Variants in SCAF4 observed in about 807,000 individuals in gnomAD.
SCAF4 encodes the protein SR-related and CTD-associated factor 4.
In SCAF4, 25 loss-of-function variants were observed where a neutral mutation model predicts 129.8. The ratio of observed to expected loss-of-function variants is 0.19; its 90% CI spans 0.14 to 0.27. The LOEUF (loss-of-function observed/expected upper bound fraction) is 0.27, where lower values mean the gene tolerates loss of function less well. Ranked by LOEUF, SCAF4 falls within the 10% of genes least tolerant of loss-of-function variation. The probability of loss-of-function intolerance (pLI) is 1.00; values close to 1 mark genes in which losing one functional copy is unlikely to be tolerated. For missense variants in SCAF4, 1,246 were observed against 1,457.1 expected (o/e 0.86, Z 2.36); for synonymous variants, 551 against 497.7 (o/e 1.11, Z -1.43).
intron 14 of SCAF4, 36 bp downstream of exon 14, chr21:31,691,781 T>TA (rs11351108): frequency 2.2e-3 from 2,437 of 1,113,892 alleles, no homozygotes; most frequent in South Asian, 4.3e-3. Flanking sequence ...TCTGCCTATT[T>TA]AAAAAAAAAA....
intron 1 of SCAF4, among the ~76,000 whole-genome samples, chr21:31,712,221 G>GT (rs2050815425): frequency 2.8e-5 from 2 of 72,510 alleles, no homozygotes; most frequent in Admixed American, 4.5e-4. Flanking sequence ...TTTGTTTGTT[G>GT]CTTTTTTTTT....
chr21:31,678,373 T>C (rs1272938268), intron 19 of SCAF4, among the ~76,000 whole-genome samples: 1 of 152,136 alleles, frequency 6.6e-6, no homozygotes, highest in Admixed American at 6.6e-5. Context: ...CAAAATATCT[T>C]CAGACTCTAA....
intron 19 of SCAF4, among the ~76,000 whole-genome samples, chr21:31,674,013 T>G (rs186138905): frequency 3.9e-4 from 60 of 152,304 alleles, no homozygotes; most frequent in African/African-American, 1.3e-3. Flanking sequence ...AAGCATCTTA[T>G]TATAACAAGA....
At chr21:31,695,736 C>T (rs1304163385) in intron 9 of SCAF4, among the ~76,000 whole-genome samples, 2 of 152,148 alleles carry the variant, frequency 1.3e-5, no homozygotes, top group African/African-American at 2.4e-5. Flanking sequence ...CCTTTTATTG[C>T]GGATTTCAAA....
intron 1 of SCAF4, among the ~76,000 whole-genome samples, chr21:31,729,098 G>GA (rs1221520249): frequency 6.6e-6 from 1 of 152,116 alleles, no homozygotes; most frequent in Admixed American, 6.5e-5. Flanking sequence ...CACTACGAAC[G>GA]AAACAGTTTT....
Position 31,685,092 on chromosome 21 carries a change from C to G in SCAF4, c.2445G>C (p.Thr815=). Residue 815 remains threonine (T), a synonymous_variant, in exon 19 of 20, where the codon ACG becomes ACC. Coordinates refer to ENST00000286835, the MANE Select transcript of SCAF4 (RefSeq NM_020706.2). ...YGSAVPPAAP[T]NLPTPPVTQP... is the part of the protein sequence containing the mutation. ...GGGTTACAGGAGGGGTGGGCAGATT[C>G]GTGGGTGCAGCAGGTGGCACGGCAG... 2.5e-6 allele frequency: 4 copies of G among 1,612,906 alleles called. No homozygotes were observed. Among genetic ancestry groups the G allele is most frequent in the Non-Finnish European group, 3.4e-6 (4 of 1,179,848 alleles).
intron 14 of SCAF4, 145 bp downstream of exon 14, chr21:31,691,672 T>TA (rs5843527): frequency 0.23 from 63,810 of 280,208 alleles, 6,257 homozygotes; most frequent in East Asian, 0.34. Context: ...AAATATTCTT[T>TA]AAAAAAAAAA....
rs536266881 is a variant in SCAF4 at position 31,677,972 on chromosome 21, T to TACCTTAGTCTC, written c.2489-5629_2489-5619dup. ...AGTTTCTGGCACGTGGAACTATGTCTACCTTAGTCTCACAGCATCATATTC... is the reference window on the plus strand; with the variant it reads ...AGTTTCTGGCACGTGGAACTATGTCTACCTTAGTCTCACCTTAGTCTCACAGCATCATATTC... On this transcript the variant is annotated intron_variant, in intron 19 of 19. Coordinates refer to ENST00000286835, the MANE Select transcript of SCAF4 (RefSeq NM_020706.2). Among the ~76,000 whole-genome samples the TACCTTAGTCTC allele has an allele frequency of 4.9e-3, 741 of 152,312 alleles. 7 individuals are homozygous for TACCTTAGTCTC. The highest frequency in any genetic ancestry group is 0.017 in the African/African-American group (698 of 41,560).
rs1386669965 is a variant in SCAF4, at chr21:31,717,904, T to TATAC, written c.31-11548_31-11547insGTAT. Among the ~76,000 whole-genome samples the TATAC allele has an allele frequency of 1.1e-3, 133 of 117,936 alleles. 1 individual carries two copies. The highest frequency in any genetic ancestry group is 1.8e-3 in the Non-Finnish European group (107 of 59,620). The allele number at this position is 117,936 out of a possible 152,430, so 77.4% of individuals were successfully genotyped here. A position where few individuals can be genotyped will look rare whatever the true frequency, so the allele number is the denominator to read the frequency against. On this transcript the variant is annotated intron_variant, in intron 1 of 19. Coordinates refer to ENST00000286835, the MANE Select transcript of SCAF4 (RefSeq NM_020706.2). ...ATATATACACATATATACACATATATACACACACACACACACACACACACA... is the reference window on the plus strand; with the variant it reads ...ATATATACACATATATACACATATATATACACACACACACACACACACACACACA...
At position 31,703,284 on chromosome 21, in the gene SCAF4, A is replaced by G. The variant is rs554590508; in HGVS notation, c.321+481T>C. Among the ~76,000 whole-genome samples the G allele has an allele frequency of 1.6e-4, 25 of 152,274 alleles. No individual in the cohort carries two copies. In the South Asian group the frequency reaches 3.5e-3, roughly 21 times the overall value. On this transcript the variant is annotated intron_variant, in intron 4 of 19. Transcript: ENST00000286835. Reference sequence around the variant, plus strand: ...CTTTCCAACGATATCTTCTTTAAAGATGATGCGCCTTTCATATTATTTTTT... The same window carrying G: ...CTTTCCAACGATATCTTCTTTAAAGGTGATGCGCCTTTCATATTATTTTTT...
chr21:31,712,172 C>T (rs972692667), intron 1 of SCAF4, among the ~76,000 whole-genome samples: 2 of 151,430 alleles, frequency 1.3e-5, no homozygotes, highest in African/African-American at 4.9e-5. Flanking sequence ...AGACATGGGC[C>T]CTCTACTGTT....
At chr21:31,685,511 T>TA in intron 17 of SCAF4, 27 bp from the exon 18 acceptor site, 3 of 1,613,308 alleles carry the variant, frequency 1.9e-6, no homozygotes, top group Non-Finnish European at 2.5e-6. Flanking sequence ...AATGTCAACT[T>TA]ATGCTGTATC....
chr21:31,672,143 A>C lies in SCAF4; in HGVS notation c.2700T>G (p.Pro900=), dbSNP rs1163038084. The change falls in exon 20 of 20, where the codon CCT becomes CCG. Residue 900 remains proline, a synonymous_variant. Transcript: ENST00000286835. ...AGGGACCTTTCATTCCATGAGGTGG[A>C]GGCATCGCAAAGCCCCCTGGTCCTG... ...PPPGPGGFAM[P]PPHGMKGPFP... 6 of 1,606,846 alleles carry C rather than the reference A, an allele frequency of 3.7e-6. No individual in the cohort carries two copies. Among genetic ancestry groups the C allele is most frequent in the South Asian group, 1.1e-5 (1 of 90,796 alleles).
chr21:31,677,256 C>T (rs1341112866), intron 19 of SCAF4, among the ~76,000 whole-genome samples: 1 of 152,140 alleles, frequency 6.6e-6, no homozygotes, highest in East Asian at 1.9e-4. Context: ...CCCCTCTCAC[C>T]TACATAACAA....
chr21:31,676,042 T>A (rs974048934), intron 19 of SCAF4, among the ~76,000 whole-genome samples: 2 of 152,108 alleles, frequency 1.3e-5, no homozygotes, highest in African/African-American at 4.8e-5. Flanking sequence ...GAGACAGATA[T>A]AAAACATAAA....
intron 19 of SCAF4, among the ~76,000 whole-genome samples, chr21:31,681,023 T>C (rs1299469106): frequency 1.3e-5 from 2 of 152,226 alleles, no homozygotes; most frequent in Admixed American, 1.3e-4. Context: ...AAATGTCTAC[T>C]GAAGCCATGC....
In SCAF4 at chr21:31,694,186, A is replaced by T. The variant is rs2050326677; in HGVS notation, c.1322+18T>A. The stretch of plus-strand genomic sequence containing the variant: ...CCTAAGATATACAGGGTTGGAAAAA[A>T]CATTTTCTATAAATTACCTGGATGC... On this transcript the variant is annotated intron_variant, in intron 11 of 19. Transcript: ENST00000286835. 1 of 1,512,026 alleles carries T rather than the reference A, an allele frequency of 6.6e-7. No homozygotes were observed. The highest frequency in any genetic ancestry group is 9.2e-7 in the Non-Finnish European group (1 of 1,092,016). 93.7% of individuals were successfully genotyped at this position (1,512,026 alleles called of 1,614,324 possible).
intron 1 of SCAF4, among the ~76,000 whole-genome samples, chr21:31,712,482 C>T (rs573044695): frequency 1.2e-3 from 178 of 149,820 alleles, no homozygotes; most frequent in African/African-American, 4.1e-3. Context: ...CCTCCCAAAG[C>T]GCTGGCATTA....
intron 1 of SCAF4, among the ~76,000 whole-genome samples, chr21:31,731,268 C>T (rs1309782559): frequency 6.6e-6 from 1 of 152,346 alleles, no homozygotes; most frequent in East Asian, 1.9e-4. Flanking sequence ...ACACGCCCGC[C>T]CGCGCTTCTT....
Sources: allele counts gnomAD v4.1 joint callset (sites outside exome capture counted in the v4.1 genomes callset), GRCh38; gene constraint gnomAD v4.1.1; transcripts MANE v1.5; gene names NCBI Gene and HGNC (gene_info 2026-07-23, HGNC 2026-07-21).